ANKRD55: variants seen among roughly 807,000 people sequenced by gnomAD.
The protein encoded by ANKRD55 is ankyrin repeat domain-containing protein 55.
Under a neutral mutation model 60.6 loss-of-function variants are expected in ANKRD55, and 41 were observed. The ratio of observed to expected loss-of-function variants is 0.68; its 90% CI spans 0.53 to 0.88. The LOEUF (loss-of-function observed/expected upper bound fraction) is 0.88. ANKRD55 is among the 40% of genes least tolerant of loss of function. The pLI is 0.00. For missense variants in ANKRD55, 732 were observed against 767.6 expected, an observed-to-expected ratio of 0.95 and a Z score of 0.55; for synonymous variants, 264 against 290.3, an observed-to-expected ratio of 0.91 and a Z score of 0.92.
At chr5:56,205,671 A>G (rs1038557604) in intron 2 of ANKRD55, among the ~76,000 whole-genome samples, 1 of 152,046 alleles carries the variant, frequency 6.6e-6, no homozygotes, top group Non-Finnish European at 1.5e-5. Flanking sequence ...AGATTTGGAG[A>G]AGGGGGTCTT....
At chr5:56,143,700 G>T in intron 7 of ANKRD55, 101 bp downstream of exon 7, 1 of 1,506,418 alleles carries the variant, frequency 6.6e-7, no homozygotes, top group African/African-American at 1.4e-5. Context: ...GCTGAATCAA[G>T]AGCTGAAACC....
At chr5:56,222,293 T>C (rs964078319) in intron 2 of ANKRD55, among the ~76,000 whole-genome samples, 9 of 152,190 alleles carry the variant, frequency 5.9e-5, no homozygotes, top group African/African-American at 2.2e-4. Flanking sequence ...TCATGACTGT[T>C]AGAAGGAAAA....
chr5:56,233,038 T>A, intron 1 of ANKRD55, 92 bp from the exon 2 acceptor site: 1 of 842,616 alleles, frequency 1.2e-6, no homozygotes, highest in Admixed American at 2.0e-5. Context: ...CAGGATTAAA[T>A]GTGCATCAGA....
At chr5:56,229,801 A>C (rs1760205201) in intron 2 of ANKRD55, among the ~76,000 whole-genome samples, 1 of 152,192 alleles carries the variant, frequency 6.6e-6, no homozygotes, top group Non-Finnish European at 1.5e-5. Flanking sequence ...GGCCATGTGC[A>C]GGAAGCTTCC....
intron 2 of ANKRD55, among the ~76,000 whole-genome samples, chr5:56,185,585 T>C (rs1055316432): frequency 1.3e-5 from 2 of 151,964 alleles, no homozygotes; most frequent in African/African-American, 4.8e-5. Context: ...GGAGAATTGC[T>C]TGAACCCGGG....
intron 7 of ANKRD55, among the ~76,000 whole-genome samples, chr5:56,131,823 AGT>A (rs145283724): frequency 2.7e-4 from 40 of 146,250 alleles, no homozygotes; most frequent in Middle Eastern, 6.9e-3. Context: ...AAAAAAAAAA[AGT>A]AGTTTCTTAG....
At chr5:56,177,255 A>G (rs1490623618) in intron 3 of ANKRD55, among the ~76,000 whole-genome samples, 1 of 152,092 alleles carries the variant, frequency 6.6e-6, no homozygotes. Context: ...ATTTCTCTCC[A>G]ATTTTTTTCC....
intron 10 of ANKRD55, chr5:56,108,345 G>A (rs748462733): frequency 6.6e-6 from 1 of 152,174 alleles, no homozygotes; most frequent in African/African-American, 2.4e-5. Flanking sequence ...GAAGGTATTC[G>A]TTTGGCCGGG....
chr5:56,127,362 A>G lies in ANKRD55; in HGVS notation c.613-256T>C, dbSNP rs1757296443. On this transcript the variant is annotated intron_variant, in intron 7 of 11. Transcript: ENST00000341048. ...CTAAATTGTCTTCCATAACTAGTGA[A>G]CGAAGGATGGATTGAAATTAAATAC... is the stretch of plus-strand genomic sequence containing the variant. 3.0e-6 allele frequency: 3 copies of G among 985,228 alleles called. No individual in the cohort carries two copies. The South Asian group carries it at 1.4e-4, about 46-fold the overall frequency. 61.0% of individuals were successfully genotyped at this position (985,228 alleles called of 1,614,324 possible).
Position 56,167,661 on chromosome 5 carries a change from A to T in ANKRD55, c.422+3033T>A, listed in dbSNP as rs117707385. On this transcript the variant is annotated intron_variant, in intron 5 of 11. Coordinates refer to ENST00000341048, the MANE Select transcript of ANKRD55 (RefSeq NM_024669.3). ...AAGGGCTTTTTGGACAATATAACTA[A>T]CTACGTCATCTGCACACAGAAGGAT... is the stretch of plus-strand genomic sequence containing the variant. Among the ~76,000 whole-genome samples, 75 of 152,306 alleles carry T rather than the reference A, an allele frequency of 4.9e-4. No individual in the cohort carries two copies. The East Asian group carries it at 0.01, about 21-fold the overall frequency.
At chr5:56,209,652 A>G (rs554635463) in intron 2 of ANKRD55, among the ~76,000 whole-genome samples, 32 of 152,128 alleles carry the variant, frequency 2.1e-4, no homozygotes, top group South Asian at 1.7e-3. Context: ...TTTTTAGTAG[A>G]GACGCAGTTT....
At position 56,111,520 on chromosome 5, in the gene ANKRD55, T is replaced by A; in HGVS notation, c.1228A>T (p.Thr410Ser). Residue 410 changes from threonine (T) to serine (S), a missense_variant, in exon 10 of 12, where the codon ACC becomes TCC. Thr to Ser is a moderately conservative substitution (Grantham distance 58). Around this residue, in one of 3 missense-constraint regions of ANKRD55, gnomAD observed 597 missense variants for 607.5 expected, o/e 0.98. Coordinates refer to ENST00000341048, the MANE Select transcript of ANKRD55 (RefSeq NM_024669.3). ...AAGAGATATTTTGAATTGTCTGAGG[T>A]TTTCTTCTTAAATTCAACCATAGCC... ...QVAMVEFKKK[T>S]SDNSKYLLPE... is the part of the protein sequence containing the mutation. The A allele has an allele frequency of 6.2e-7, 1 of 1,613,980 alleles. No homozygotes were observed. The highest frequency in any genetic ancestry group is 8.5e-7 in the Non-Finnish European group (1 of 1,180,002).
chr5:56,175,309 A>AATAGCAAATGCAAGCC (rs1163438850), intron 4 of ANKRD55, among the ~76,000 whole-genome samples: 2 of 152,232 alleles, frequency 1.3e-5, no homozygotes, highest in African/African-American at 2.4e-5. Context: ...AGTGGGCAGC[A>AATAGCAAATGCAAGCC]ATAGCAAATG....
intron 1 of ANKRD55, 129 bp from the exon 2 acceptor site, chr5:56,233,075 G>A: frequency 1.5e-6 from 1 of 650,418 alleles, no homozygotes; most frequent in Non-Finnish European, 2.8e-6. Flanking sequence ...AAGGCAAGGT[G>A]ATGAAAATAG....
intron 4 of ANKRD55, among the ~76,000 whole-genome samples, chr5:56,171,901 G>A (rs530276876): frequency 5.8e-4 from 88 of 152,106 alleles, no homozygotes; most frequent in Non-Finnish European, 1.1e-3. Context: ...GGTGGATCAC[G>A]AGGTCAGGAG....
At chr5:56,230,164 C>T (rs1316687160) in intron 2 of ANKRD55, among the ~76,000 whole-genome samples, 1 of 152,090 alleles carries the variant, frequency 6.6e-6, no homozygotes, top group African/African-American at 2.4e-5. Flanking sequence ...GGCCTGATCT[C>T]AGCTCACCGC....
intron 2 of ANKRD55, among the ~76,000 whole-genome samples, chr5:56,229,094 T>G (rs1760186178): frequency 1.7e-5 from 1 of 58,116 alleles, no homozygotes; most frequent in Non-Finnish European, 2.9e-5. Flanking sequence ...CCCTCGCCTG[T>G]TTTTTTTTTT....
At chr5:56,207,000 C>T (rs538581986) in intron 2 of ANKRD55, among the ~76,000 whole-genome samples, 1 of 152,204 alleles carries the variant, frequency 6.6e-6, no homozygotes, top group African/African-American at 2.4e-5. Context: ...AATGATAGAA[C>T]CTGAAGAAAT....
At chr5:56,121,994 G>A (rs1757079050) in intron 8 of ANKRD55, among the ~76,000 whole-genome samples, 1 of 152,316 alleles carries the variant, frequency 6.6e-6, no homozygotes, top group East Asian at 1.9e-4. Context: ...ACCTGTCCCA[G>A]TGGGTTTTTA....
Sources: gnomAD v4.1 joint callset for allele counts (sites outside exome capture counted in the v4.1 genomes callset) on GRCh38, gnomAD v4.1.1 for gene constraint, gnomAD v4.1.1 regional missense constraint, MANE v1.5 for transcripts, NCBI Gene and HGNC (gene_info 2026-07-23, HGNC 2026-07-21) for gene names.